SI: variants seen among roughly 807,000 people sequenced by gnomAD.
The protein encoded by SI is sucrase-isomaltase, intestinal.
In SI, 235 loss-of-function variants were observed where a neutral mutation model predicts 253.3. That is an observed-to-expected ratio of 0.93 (90% confidence interval 0.83 to 1.03). SI has a LOEUF of 1.03. SI is among the 50% of genes least tolerant of loss of function. The pLI is 0.00. For missense variants in SI, 2,442 were observed against 2,211.1 expected, an observed-to-expected ratio of 1.10 and a Z score of -2.09; for synonymous variants, 819 against 712.0, an observed-to-expected ratio of 1.15 and a Z score of -2.39.
intron 7 of SI, 46 bp downstream of exon 7, chr3:165,065,215 C>A (rs746190351): frequency 1.7e-6 from 2 of 1,200,318 alleles, no homozygotes; most frequent in African/African-American, 1.5e-5. Context: ...TTTTCATCTG[C>A]TGCAATATAG....
chr3:165,024,063 C>G (rs547589514), intron 25 of SI, among the ~76,000 whole-genome samples: 6 of 151,462 alleles, frequency 4.0e-5, no homozygotes, highest in African/African-American at 1.4e-4. Flanking sequence ...ATTGTGTTGT[C>G]TGCAAAAGCA....
At chr3:165,036,530 C>T in intron 21 of SI, 53 bp from the exon 22 acceptor site, 1 of 1,259,442 alleles carries the variant, frequency 7.9e-7, no homozygotes, top group Non-Finnish European at 1.2e-6. Flanking sequence ...CATAATAATA[C>T]AATATCCTAT....
At chr3:165,066,677 G>A (rs1048989009) in intron 6 of SI, among the ~76,000 whole-genome samples, 4 of 151,912 alleles carry the variant, frequency 2.6e-5, no homozygotes, top group South Asian at 4.1e-4. Context: ...AGATCATACA[G>A]TATTTGCCTT....
Position 164,979,318 on chromosome 3 carries a change from T to C in SI, c.*44A>G, listed in dbSNP as rs971273566. ...AATTGTAAGTGCTGTGAAACTTAAA[T>C]CCTGGTGTTTTTTCCCATTGACAAC... On this transcript the variant is annotated 3_prime_UTR_variant, in exon 48 of 48. Coordinates refer to ENST00000264382, the MANE Select transcript of SI (RefSeq NM_001041.4). 2 of 1,121,740 alleles carry C rather than the reference T, an allele frequency of 1.8e-6. No homozygotes were observed. Among genetic ancestry groups the C allele is most frequent in the Admixed American group, 1.7e-5 (1 of 59,110 alleles). The allele number at this position is 1,121,740 out of a possible 1,614,324, so 69.5% of individuals were successfully genotyped here.
At chr3:165,067,561 T>C in intron 5 of SI, 70 bp from the exon 6 acceptor site, 1 of 1,298,708 alleles carries the variant, frequency 7.7e-7, no homozygotes, top group Non-Finnish European at 1.1e-6. Flanking sequence ...TTCTGAATTA[T>C]TAAATGCAAG....
chr3:165,038,485 G>A (rs1036501146), intron 20 of SI, among the ~76,000 whole-genome samples: 8 of 151,058 alleles, frequency 5.3e-5, no homozygotes, highest in South Asian at 4.2e-4. Flanking sequence ...CATGGCGGGC[G>A]GATCACAAGG....
chr3:165,075,070 G>T (rs1714863599), intron 2 of SI, among the ~76,000 whole-genome samples: 1 of 151,886 alleles, frequency 6.6e-6, no homozygotes, highest in Admixed American at 6.6e-5. Context: ...GAGGAAAGTA[G>T]GTGAAAGTTA....
chr3:165,052,647 A>G (rs772284554), intron 13 of SI, among the ~76,000 whole-genome samples: 1 of 151,880 alleles, frequency 6.6e-6, no homozygotes, highest in African/African-American at 2.4e-5. Flanking sequence ...ACAGAGCAAG[A>G]CTTAGTCTCA....
chr3:165,076,118 G>T, intron 1 of SI, 106 bp from the exon 2 acceptor site: 2 of 838,388 alleles, frequency 2.4e-6, no homozygotes, highest in Non-Finnish European at 1.7e-6. Context: ...TATGTATAAT[G>T]CAGAGTTGAA....
Position 164,992,301 on chromosome 3 carries a change from G to C in SI, c.4926+12C>G. The C allele has an allele frequency of 2.5e-6, 4 of 1,611,832 alleles. No individual in the cohort carries two copies. Among genetic ancestry groups the C allele is most frequent in the South Asian group, 1.1e-5 (1 of 91,032 alleles). ...GAAAATTGTGTAAACAAAAATATGT[G>C]GTAGGACTTACAGGTTCCAGTACTG... is the stretch of plus-strand genomic sequence containing the variant. On this transcript the variant is annotated intron_variant, in intron 42 of 47. Transcript: ENST00000264382.
At chr3:164,985,907 C>T (rs982489571) in intron 45 of SI, among the ~76,000 whole-genome samples, 2 of 151,990 alleles carry the variant, frequency 1.3e-5, no homozygotes, top group Non-Finnish European at 2.9e-5. Flanking sequence ...CTGATAACAA[C>T]GGTTAGTGAA....
intron 30 of SI, 22 bp from the exon 31 acceptor site, chr3:165,017,695 G>A: frequency 6.2e-7 from 1 of 1,610,296 alleles, no homozygotes; most frequent in East Asian, 2.2e-5. Context: ...ATTCATGTGT[G>A]AACTAAGAGA....
chr3:165,002,827 T>C (rs1718316998), intron 37 of SI, among the ~76,000 whole-genome samples: 1 of 151,780 alleles, frequency 6.6e-6, no homozygotes, highest in Non-Finnish European at 1.5e-5. Flanking sequence ...CTGTATAAAA[T>C]AGGCTACTTA....
At chr3:165,069,974 T>C (rs1350649250) in intron 3 of SI, among the ~76,000 whole-genome samples, 2 of 150,280 alleles carry the variant, frequency 1.3e-5, no homozygotes, top group East Asian at 3.9e-4. Flanking sequence ...TTTAAAAGCC[T>C]CCATTTTAAT....
At chr3:165,079,922 T>C (rs1715239547), upstream of SI, among the ~76,000 whole-genome samples, 1 of 151,678 alleles carries the variant, frequency 6.6e-6, no homozygotes, top group African/African-American at 2.4e-5. Flanking sequence ...CAAAACTCAG[T>C]ATTAAGCTGC....
rs754071803 is a variant in SI, at chr3:165,032,677, C to T, written c.2581G>A (p.Val861Met). ...TCCTGATATGATGAATGTGTGCACA[C>T]AATATCTAATGTGTTCTGAGAAAAA... ...FSVSNNTLDI[V>M]CTHSSYQEGT... The change falls in exon 24 of 48, where the codon GTG (valine) becomes ATG (methionine). Residue 861 changes from valine (V) to methionine (M), a missense_variant. Physicochemically the swap from Val to Met is conservative, Grantham distance 21. Transcript: ENST00000264382. The T allele has an allele frequency of 3.1e-6, 5 of 1,601,558 alleles. No individual in the cohort carries two copies. The highest frequency in any genetic ancestry group is 4.3e-6 in the Non-Finnish European group (5 of 1,170,514).
intron 16 of SI, 122 bp from the exon 17 acceptor site, chr3:165,043,297 T>A (rs778631663): frequency 1.5e-6 from 1 of 675,898 alleles, no homozygotes; most frequent in African/African-American, 1.8e-5. Flanking sequence ...TCCTTTTATA[T>A]ATGCTTCCTT....
chr3:165,033,952 A>G (rs1712390657), intron 22 of SI, among the ~76,000 whole-genome samples: 1 of 151,598 alleles, frequency 6.6e-6, no homozygotes, highest in Non-Finnish European at 1.5e-5. Context: ...TAATGAGGAA[A>G]ATGGATGAAT....
At chr3:165,060,868 A>ATAT (rs1373954088) in intron 9 of SI, among the ~76,000 whole-genome samples, 73 of 145,408 alleles carry the variant, frequency 5.0e-4, no homozygotes, top group African/African-American at 1.8e-3. Flanking sequence ...ATTAAAAAAA[A>ATAT]ATATATATAT....
Sources: allele counts gnomAD v4.1 joint callset (sites outside exome capture counted in the v4.1 genomes callset), GRCh38; gene constraint gnomAD v4.1.1; transcripts MANE v1.5; gene names NCBI Gene and HGNC (gene_info 2026-07-23, HGNC 2026-07-21).